MDGA1: variants seen among roughly 807,000 people sequenced by gnomAD.
MDGA1 encodes MAM domain-containing glycosylphosphatidylinositol anchor protein 1.
MDGA1 carries 54 observed loss-of-function variants against 101.5 expected under a neutral mutation model. The ratio of observed to expected loss-of-function variants is 0.53; its 90% CI spans 0.43 to 0.67. The LOEUF (loss-of-function observed/expected upper bound fraction) is 0.67, where lower values mean the gene tolerates loss of function less well. MDGA1 is among the 30% of genes least tolerant of loss of function. The probability of loss-of-function intolerance (pLI) is 0.00; values close to 1 mark genes in which losing one functional copy is unlikely to be tolerated. For missense variants in MDGA1, 1,083 were observed against 1,323.8 expected (o/e 0.82, Z 2.82); for synonymous variants, 533 against 558.3 (o/e 0.95, Z 0.64).
chr6:37,658,791 T>C (rs1335760268), intron 2 of MDGA1, among the ~76,000 whole-genome samples: 2 of 151,930 alleles, frequency 1.3e-5, no homozygotes, highest in Admixed American at 1.3e-4. Flanking sequence ...GCCAACATGG[T>C]GAAACCACGG....
Position 37,643,919 on chromosome 6 carries a change from G to A in MDGA1, c.2426C>T (p.Ser809Leu), listed in dbSNP as rs866926229. The change falls in exon 14 of 17, where the codon TCG (serine) becomes TTG (leucine). Residue 809 changes from serine (S) to leucine (L), a missense_variant. Ser to Leu is a moderately radical substitution (Grantham distance 145, BLOSUM62 -2). Around this residue, in one of 3 missense-constraint regions of MDGA1, gnomAD observed 657 missense variants for 771.4 expected, o/e 0.85. Transcript: ENST00000434837. ...ACGGTCCCCCAGCTCCCGAGGCCTC[G>A]ATGTCTCGATGAACATGTAGTAGCC... ...PEGYYMFIET[S>L]RPRELGDRAR... The A allele has an allele frequency of 9.3e-6, 15 of 1,613,872 alleles. No individual in the cohort carries two copies. Among genetic ancestry groups the A allele is most frequent in the Non-Finnish European group, 1.2e-5 (14 of 1,179,854 alleles).
At chr6:37,649,823 CCTT>C (rs1166268667) in intron 8 of MDGA1, 1 of 640,426 alleles carries the variant, frequency 1.6e-6, no homozygotes, top group Non-Finnish European at 2.9e-6. Context: ...CCTTGAGTGT[CCTT>C]CCTCCTCCTT....
Position 37,638,701 on chromosome 6 carries a change from TC to T in MDGA1, c.2537-35del. 6.3e-7 allele frequency: 1 copy of T among 1,593,440 alleles called. No homozygotes were observed. The highest frequency in any genetic ancestry group is 1.1e-5 in the South Asian group (1 of 88,588). ...GGTGTGAAGACAGTGGGCAGTGAGA[TC>T]TGGCCAGGGCACCCTCACCTTTCCA... On this transcript the variant is annotated intron_variant, in intron 14 of 16. Transcript: ENST00000434837. This position sits in a 1 kb window ranked among gnomAD's most constrained non-coding sequence, Gnocchi z 4.8.
chr6:37,658,968 CAAAAAA>C (rs34087406), intron 2 of MDGA1, among the ~76,000 whole-genome samples: 19,885 of 109,492 alleles, frequency 0.18, 1,768 homozygotes, highest in Middle Eastern at 0.26. Flanking sequence ...AAGACTGTTT[CAAAAAA>C]AAAAAAAAAA....
intron 3 of MDGA1, among the ~76,000 whole-genome samples, 181 bp from the exon 4 acceptor site, chr6:37,656,077 C>T (rs1761480552): frequency 7.0e-6 from 1 of 142,166 alleles, no homozygotes; most frequent in Non-Finnish European, 1.5e-5. Context: ...GGACTTTTTC[C>T]TTTTTTTTTT....
At chr6:37,673,755 G>A (rs1761920262) in intron 1 of MDGA1, among the ~76,000 whole-genome samples, 1 of 152,210 alleles carries the variant, frequency 6.6e-6, no homozygotes, top group Non-Finnish European at 1.5e-5. Flanking sequence ...CCAGTTCTGT[G>A]CTAGGAAAGC....
At chr6:37,685,659 G>T (rs1029304532) in intron 1 of MDGA1, among the ~76,000 whole-genome samples, 1 of 152,204 alleles carries the variant, frequency 6.6e-6, no homozygotes, top group Admixed American at 6.5e-5. Flanking sequence ...TGCTAGCAGA[G>T]AGAGGTACCA....
At chr6:37,646,813 C>A (rs561443177) in intron 10 of MDGA1, among the ~76,000 whole-genome samples, 9 of 152,084 alleles carry the variant, frequency 5.9e-5, no homozygotes, top group Admixed American at 3.3e-4. Context: ...ATGGTGGAGA[C>A]CCCCTGGATG....
At chr6:37,666,490 C>G (rs1761757268) in intron 1 of MDGA1, among the ~76,000 whole-genome samples, 1 of 152,152 alleles carries the variant, frequency 6.6e-6, no homozygotes, top group Non-Finnish European at 1.5e-5. Flanking sequence ...TGTACAACTT[C>G]CTCCAGGAAA....
Position 37,635,262 on chromosome 6 carries a change from G to A in MDGA1, c.*2106C>T, listed in dbSNP as rs1763899113. The A allele has an allele frequency of 7.6e-6, 3 of 394,050 alleles. No homozygotes were observed. The highest frequency in any genetic ancestry group is 1.4e-4 in the South Asian group (1 of 6,970). The allele number at this position is 394,050 out of a possible 1,614,324, so 24.4% of individuals were successfully genotyped here. ...CACTGATTACAGAATCCATTCCACC[G>A]GGCAATGGAGTGGTTTCCACACCAG... On this transcript the variant is annotated 3_prime_UTR_variant, in exon 17 of 17. Transcript: ENST00000434837.
intron 1 of MDGA1, among the ~76,000 whole-genome samples, chr6:37,694,158 A>G (rs1440976428): frequency 6.6e-6 from 1 of 152,088 alleles, no homozygotes; most frequent in Admixed American, 6.5e-5. Context: ...TTTTTCTCCT[A>G]TGTCTTGAAT....
At chr6:37,670,241 C>T (rs1761839377) in intron 1 of MDGA1, among the ~76,000 whole-genome samples, 1 of 152,140 alleles carries the variant, frequency 6.6e-6, no homozygotes, top group Admixed American at 6.5e-5. Flanking sequence ...AATGACAGCT[C>T]CCAAGATGAT....
At chr6:37,694,394 C>CT (rs1237994630) in intron 1 of MDGA1, among the ~76,000 whole-genome samples, 1 of 152,242 alleles carries the variant, frequency 6.6e-6, no homozygotes, top group Non-Finnish European at 1.5e-5. Context: ...AAATACCTGC[C>CT]TAGCTCCTGC....
intron 13 of MDGA1, 123 bp downstream of exon 13, chr6:37,644,374 G>A: frequency 2.7e-6 from 3 of 1,104,048 alleles, no homozygotes; most frequent in Non-Finnish European, 3.7e-6. Context: ...AGAGCTCCCT[G>A]AGAACAGGGC....
intron 1 of MDGA1, among the ~76,000 whole-genome samples, chr6:37,671,747 G>A (rs191921203): frequency 6.6e-6 from 1 of 152,114 alleles, no homozygotes; most frequent in Non-Finnish European, 1.5e-5. Context: ...TCCCCCATAA[G>A]AGAATCCATG....
intron 1 of MDGA1, among the ~76,000 whole-genome samples, chr6:37,682,232 C>G (rs1450449764): frequency 6.6e-6 from 1 of 152,216 alleles, no homozygotes; most frequent in Non-Finnish European, 1.5e-5. Flanking sequence ...TGCCTGTAAT[C>G]CCAGCACTTT....
intron 12 of MDGA1, 62 bp from the exon 13 acceptor site, chr6:37,644,711 C>T (rs925487057): frequency 9.2e-6 from 13 of 1,419,326 alleles, no homozygotes; most frequent in Admixed American, 5.6e-5. Flanking sequence ...GGCCCAGCCT[C>T]GCCCCTCTCA....
intron 2 of MDGA1, 125 bp from the exon 3 acceptor site, chr6:37,658,544 C>T: frequency 4.0e-6 from 4 of 1,012,268 alleles, no homozygotes; most frequent in Non-Finnish European, 5.7e-6. Flanking sequence ...GTGGGGCACA[C>T]GCAGGCCTAG....
chr6:37,635,419 G>T lies in MDGA1; in HGVS notation c.*1949C>A. On this transcript the variant is annotated 3_prime_UTR_variant, in exon 17 of 17. Transcript: ENST00000434837. Reference sequence around the variant, plus strand: ...ATGGGACAGTTAAGGAACAATACCCGACAGACGCGATGGAAGTGTATGCTG... The same window carrying T: ...ATGGGACAGTTAAGGAACAATACCCTACAGACGCGATGGAAGTGTATGCTG... 2.5e-6 allele frequency: 1 copy of T among 398,470 alleles called. No homozygotes were observed. Among genetic ancestry groups the T allele is most frequent in the South Asian group, 1.3e-4 (1 of 7,612 alleles). 24.7% of individuals were successfully genotyped at this position (398,470 alleles called of 1,614,324 possible).
Sources: allele counts gnomAD v4.1 joint callset (sites outside exome capture counted in the v4.1 genomes callset), GRCh38; gene constraint gnomAD v4.1.1; regional missense constraint gnomAD v4.1.1; non-coding constraint Gnocchi (gnomAD v3.1); transcripts MANE v1.5; gene names NCBI Gene and HGNC (gene_info 2026-07-23, HGNC 2026-07-21).